Variants in CAMKK2 observed in about 807,000 individuals in gnomAD.
The protein encoded by CAMKK2 is calcium/calmodulin dependent protein kinase kinase 2, also known as calcium/calmodulin-dependent protein kinase kinase 2.
In CAMKK2, 30 loss-of-function variants were observed where a neutral mutation model predicts 67.2. The ratio of observed to expected loss-of-function variants is 0.45; its 90% CI spans 0.33 to 0.61. The LOEUF (loss-of-function observed/expected upper bound fraction) is 0.61, where lower values mean the gene tolerates loss of function less well. Among genes scored for constraint, CAMKK2 ranks in the 20% least tolerant of loss-of-function variants. CAMKK2 has a pLI of 0.02. For synonymous variants in CAMKK2, 322 were observed against 326.2 expected (o/e 0.99, Z 0.14); for missense variants, 643 against 802.0 (o/e 0.80, Z 2.39).
chr12:121,268,738 A>C, intron 4 of CAMKK2, 49 bp from the exon 5 acceptor site: 1 of 1,564,206 alleles, frequency 6.4e-7, no homozygotes, highest in South Asian at 1.1e-5. Context: ...TGTTTAAAGC[A>C]GGGAGGAAAA....
In CAMKK2 at chr12:121,252,271, C is replaced by G. The variant is rs187587712; in HGVS notation, c.1161+390G>C. Among the ~76,000 whole-genome samples, 4 of 152,222 alleles carry G rather than the reference C, an allele frequency of 2.6e-5. No homozygotes were observed. The East Asian group carries it at 7.7e-4, about 29-fold the overall frequency. ...GGTGTAGAAATAAAATAACTCTTCT[C>G]TTATTTTATTTTTTGAGACGGAGTC... is the stretch of plus-strand genomic sequence containing the variant. On this transcript the variant is annotated intron_variant, in intron 11 of 16. Coordinates refer to ENST00000404169, the MANE Select transcript of CAMKK2 (RefSeq NM_001270485.2).
At chr12:121,264,068 A>C in intron 5 of CAMKK2, 129 bp from the exon 6 acceptor site, 2 of 839,448 alleles carry the variant, frequency 2.4e-6, no homozygotes, top group Non-Finnish European at 1.7e-6. Flanking sequence ...GGCTGCTGCC[A>C]CCAGGGGCTT....
chr12:121,291,976 A>C (rs1900110931), intron 1 of CAMKK2, among the ~76,000 whole-genome samples: 1 of 150,244 alleles, frequency 6.7e-6, no homozygotes, highest in Non-Finnish European at 1.5e-5. Context: ...GAATCGCTTG[A>C]ACCCAGGAGC....
At chr12:121,273,877 G>A (rs151233017) in intron 2 of CAMKK2, among the ~76,000 whole-genome samples, 179 bp downstream of exon 2, 1 of 151,894 alleles carries the variant, frequency 6.6e-6, no homozygotes, top group Non-Finnish European at 1.5e-5. Flanking sequence ...GCTGATTCAC[G>A]ACCCCCCTAG....
rs143170730 is a variant in CAMKK2 at position 121,266,636 on chromosome 12, C to T, written c.625+2002G>A. Among the ~76,000 whole-genome samples, 610 of 152,012 alleles carry T rather than the reference C, an allele frequency of 4.0e-3. 7 individuals are homozygous for T. Among genetic ancestry groups the T allele is most frequent in the Middle Eastern group, 0.017 (5 of 294 alleles). ...TCAGCCTCCCGAGTAGCTGGGATTACAGGCACCCACCATGCCTGGCTACTT... is the reference window on the plus strand; with the variant it reads ...TCAGCCTCCCGAGTAGCTGGGATTATAGGCACCCACCATGCCTGGCTACTT... On this transcript the variant is annotated intron_variant, in intron 5 of 16. Coordinates refer to ENST00000404169, the MANE Select transcript of CAMKK2 (RefSeq NM_001270485.2).
chr12:121,291,510 G>C (rs184128147), intron 1 of CAMKK2, among the ~76,000 whole-genome samples: 4 of 152,320 alleles, frequency 2.6e-5, no homozygotes, highest in Admixed American at 6.5e-5. Flanking sequence ...CTGAATGAAA[G>C]AAGCCAGACA....
rs773125267 is a variant in CAMKK2 at position 121,263,796 on chromosome 12, A to T, written c.759+10T>A. 1 of 1,597,828 alleles carries T rather than the reference A, an allele frequency of 6.3e-7. No individual in the cohort carries two copies. Among genetic ancestry groups the T allele is most frequent in the Non-Finnish European group, 8.6e-7 (1 of 1,168,902 alleles). On this transcript the variant is annotated intron_variant, in intron 6 of 16. Transcript: ENST00000404169. ...GCCTCCCTCCCTCCTGGGCGCCTCCACCCTTTTACCTCCACCAGCTTCACC... is the reference window on the plus strand; with the variant it reads ...GCCTCCCTCCCTCCTGGGCGCCTCCTCCCTTTTACCTCCACCAGCTTCACC...
At chr12:121,252,576 A>C in intron 11 of CAMKK2, 85 bp downstream of exon 11, 1 of 1,306,106 alleles carries the variant, frequency 7.7e-7, no homozygotes, top group South Asian at 1.2e-5. Flanking sequence ...CTCTTAAATA[A>C]GTAAGTACTG....
chr12:121,269,475 G>C, intron 4 of CAMKK2, 53 bp downstream of exon 4: 1 of 1,372,178 alleles, frequency 7.3e-7, no homozygotes, highest in Non-Finnish European at 1.0e-6. Context: ...TGCTGGAAAG[G>C]AGGCTCTTCT....
Position 121,271,005 on chromosome 12 carries a change from C to T in CAMKK2, c.472-60G>A, listed in dbSNP as rs1895649145. 5.9e-6 allele frequency: 8 copies of T among 1,361,130 alleles called. 1 individual carries two copies. The East Asian group carries it at 1.6e-4, about 27-fold the overall frequency. 84.3% of individuals were successfully genotyped at this position (1,361,130 alleles called of 1,614,324 possible). On this transcript the variant is annotated intron_variant, in intron 2 of 16. Coordinates refer to ENST00000404169, the MANE Select transcript of CAMKK2 (RefSeq NM_001270485.2). ...TTTAAGTTTGCAACTAGAGGCCAGG[C>T]ACGGTGGCTCACACCTACAAGCCCT...
chr12:121,280,940 A>G (rs1175376894), intron 1 of CAMKK2, among the ~76,000 whole-genome samples: 1 of 152,054 alleles, frequency 6.6e-6, no homozygotes, highest in Non-Finnish European at 1.5e-5. Flanking sequence ...TTGCCTTGTG[A>G]TATTCTATTA....
intron 9 of CAMKK2, among the ~76,000 whole-genome samples, chr12:121,254,252 G>A (rs1421510629): frequency 6.6e-6 from 1 of 152,064 alleles, no homozygotes; most frequent in African/African-American, 2.4e-5. Context: ...GAGGTCAGGA[G>A]TTCAAGACCA....
Position 121,253,568 on chromosome 12 carries a change from C to G in CAMKK2, c.908-96G>C, listed in dbSNP as rs1165182571. ...TGGCCTGGAGACACAGGCATGGCAC[C>G]CCTCTGATGCCTTGTCTCCCACAGC... On this transcript the variant is annotated intron_variant, in intron 9 of 16. Transcript: ENST00000404169. This position sits in a 1 kb window ranked among gnomAD's most constrained non-coding sequence, Gnocchi z 5.0. 2 of 1,004,072 alleles carry G rather than the reference C, an allele frequency of 2.0e-6. No homozygotes were observed. The highest frequency in any genetic ancestry group is 3.5e-5 in the Admixed American group (2 of 56,934). 62.2% of individuals were successfully genotyped at this position (1,004,072 alleles called of 1,614,324 possible).
intron 4 of CAMKK2, among the ~76,000 whole-genome samples, chr12:121,268,893 G>A (rs1895172292): frequency 6.6e-6 from 1 of 152,130 alleles, no homozygotes; most frequent in Non-Finnish European, 1.5e-5. Flanking sequence ...CTGGACTCCT[G>A]GGGTGCCTCC....
intron 11 of CAMKK2, among the ~76,000 whole-genome samples, chr12:121,252,370 G>A (rs1890909961): frequency 1.3e-5 from 2 of 152,340 alleles, no homozygotes; most frequent in Non-Finnish European, 1.5e-5. Context: ...CTGGGTTCAG[G>A]CGATTCTCCT....
At chr12:121,252,570 TAA>T in intron 11 of CAMKK2, 89 bp downstream of exon 11, 1 of 1,273,108 alleles carries the variant, frequency 7.9e-7, no homozygotes, top group Non-Finnish European at 1.1e-6. Context: ...AAATAACTCT[TAA>T]ATAAGTAAGT....
Position 121,240,445 on chromosome 12 carries a change from C to T in CAMKK2, c.*254G>A, listed in dbSNP as rs1403456969. The stretch of plus-strand genomic sequence containing the variant: ...TAAAAAGCAATTGTCCCAAAATGCA[C>T]GTGGGTTTGGGTCTGCAACTCCTCA... On this transcript the variant is annotated 3_prime_UTR_variant, in exon 17 of 17. Coordinates refer to ENST00000404169, the MANE Select transcript of CAMKK2 (RefSeq NM_001270485.2). This position sits in a 1 kb window ranked among gnomAD's most constrained non-coding sequence, Gnocchi z 4.4. The T allele has an allele frequency of 1.3e-6, 2 of 1,526,082 alleles. No individual in the cohort carries two copies. Among genetic ancestry groups the T allele is most frequent in the South Asian group, 1.2e-5 (1 of 82,026 alleles). 94.5% of individuals were successfully genotyped at this position (1,526,082 alleles called of 1,614,324 possible).
At chr12:121,275,614 T>C (rs1896656194) in intron 1 of CAMKK2, among the ~76,000 whole-genome samples, 1 of 152,034 alleles carries the variant, frequency 6.6e-6, no homozygotes, top group Non-Finnish European at 1.5e-5. Context: ...TGATTCTATT[T>C]ATATGAAATT....
intron 2 of CAMKK2, among the ~76,000 whole-genome samples, chr12:121,272,306 AAACT>A (rs1895938319): frequency 6.6e-6 from 1 of 152,270 alleles, no homozygotes; most frequent in African/African-American, 2.4e-5. Flanking sequence ...ATGAATAAAC[AAACT>A]GTGGTACGTC....
Sources: allele counts gnomAD v4.1 joint callset (sites outside exome capture counted in the v4.1 genomes callset), GRCh38; gene constraint gnomAD v4.1.1; non-coding constraint Gnocchi (gnomAD v3.1); transcripts MANE v1.5; gene names NCBI Gene and HGNC (gene_info 2026-07-23, HGNC 2026-07-21).